The following PDE1C variants were observed in gnomAD, a reference collection of about 807,000 sequenced individuals.
PDE1C encodes dual specificity calcium/calmodulin-dependent 3',5'-cyclic nucleotide phosphodiesterase 1C.
Under a neutral mutation model 93.1 loss-of-function variants are expected in PDE1C, and 62 were observed. The observed-to-expected ratio is 0.67, with a 90% CI of 0.54 to 0.82. The LOEUF (loss-of-function observed/expected upper bound fraction) is 0.82. Among genes scored for constraint, PDE1C ranks in the 40% least tolerant of loss-of-function variants. The probability of loss-of-function intolerance (pLI) is 0.00; values close to 1 mark genes in which losing one functional copy is unlikely to be tolerated. For synonymous variants in PDE1C, 325 were observed against 310.1 expected, an observed-to-expected ratio of 1.05 and a Z score of -0.50; for missense variants, 742 against 884.6, an observed-to-expected ratio of 0.84 and a Z score of 2.04.
the PDE1C span, among the ~76,000 whole-genome samples, chr7:31,626,466 T>C: frequency 3.3e-5 from 5 of 152,210 alleles, no homozygotes; most frequent in African/African-American, 1.2e-4. Flanking sequence ...TCCCACTATA[T>C]TTCTGTTTGC....
the PDE1C span, among the ~76,000 whole-genome samples, chr7:31,669,828 A>G: frequency 6.6e-6 from 1 of 152,210 alleles, no homozygotes; most frequent in Non-Finnish European, 1.5e-5. Context: ...GCCTACAGAC[A>G]TTTTGATTAT....
intron 2 of PDE1C, among the ~76,000 whole-genome samples, chr7:31,882,570 A>T (rs1797386464): frequency 6.6e-6 from 1 of 152,202 alleles, no homozygotes; most frequent in Non-Finnish European, 1.5e-5. Context: ...AAATGAGAGT[A>T]AAATTAAACT....
At chr7:31,794,042 A>AGATG (rs1157143757) in intron 16 of PDE1C, among the ~76,000 whole-genome samples, 12 of 84,700 alleles carry the variant, frequency 1.4e-4, no homozygotes, top group Middle Eastern at 5.4e-3. Flanking sequence ...ATAGATAGAT[A>AGATG]GACAGACAGA....
chr7:32,167,113 C>A (rs1802337619), intron 3 of PDE1C, among the ~76,000 whole-genome samples: 1 of 152,086 alleles, frequency 6.6e-6, no homozygotes, highest in African/African-American at 2.4e-5. Context: ...TTTTGAAAAA[C>A]ACCCATCATT....
chr7:31,951,333 T>A (rs771819676), intron 2 of PDE1C, among the ~76,000 whole-genome samples: 32 of 152,200 alleles, frequency 2.1e-4, no homozygotes, highest in Non-Finnish European at 4.0e-4. Context: ...GACCCAGAAA[T>A]TATCTACAAA....
Position 31,877,997 on chromosome 7 carries a change from A to G in PDE1C, c.465T>C (p.Tyr155=). The part of the protein sequence containing the change: ...RRTSNMVGLS[Y]PPAVIEALKD... ...TTAATGCCTCAATAACAGCTGGTGG[A>G]TAGCTCAGTCCAACCATGTTTGATG... is the stretch of plus-strand genomic sequence containing the variant. The change falls in exon 5 of 18, where the codon TAT becomes TAC. Residue 155 remains tyrosine, a synonymous_variant. Coordinates refer to ENST00000396191, the MANE Select transcript of PDE1C (RefSeq NM_001191057.4). 6.2e-7 allele frequency: 1 copy of G among 1,613,186 alleles called. No individual in the cohort carries two copies. Among genetic ancestry groups the G allele is most frequent in the East Asian group, 2.2e-5 (1 of 44,790 alleles).
chr7:31,665,530 T>C, the PDE1C span, among the ~76,000 whole-genome samples: 3 of 152,190 alleles, frequency 2.0e-5, no homozygotes, highest in Non-Finnish European at 4.4e-5. Flanking sequence ...TATTAATCAA[T>C]CAATATATTA....
At chr7:32,227,557 A>G (rs34579111) in intron 1 of PDE1C, among the ~76,000 whole-genome samples, 18,359 of 152,172 alleles carry the variant, frequency 0.12, 1,199 homozygotes, top group East Asian at 0.23. Flanking sequence ...GACACCATAA[A>G]TAAATGAAGG....
intron 2 of PDE1C, among the ~76,000 whole-genome samples, chr7:32,035,123 C>T (rs1167793907): frequency 6.6e-6 from 1 of 152,076 alleles, no homozygotes; most frequent in East Asian, 1.9e-4. Context: ...AAATCCAACC[C>T]AAAGGACATC....
At chr7:31,725,150 G>T in the PDE1C span, among the ~76,000 whole-genome samples, 1 of 151,810 alleles carries the variant, frequency 6.6e-6, no homozygotes, top group Non-Finnish European at 1.5e-5. Context: ...CTTGCCACCC[G>T]CATCTCCCAC....
chr7:31,796,088 T>C (rs1785248999), intron 16 of PDE1C, among the ~76,000 whole-genome samples: 1 of 150,706 alleles, frequency 6.6e-6, no homozygotes, highest in African/African-American at 2.4e-5. Context: ...GACAGGGACA[T>C]ATATATATCT....
chr7:31,859,964 T>C (rs1583643973), intron 7 of PDE1C, among the ~76,000 whole-genome samples: 1 of 152,176 alleles, frequency 6.6e-6, no homozygotes, highest in South Asian at 2.1e-4. Flanking sequence ...TAACTCCCTA[T>C]TGATAGGTAT....
At chr7:32,096,653 T>G (rs1197322025) in intron 3 of PDE1C, among the ~76,000 whole-genome samples, 2 of 152,196 alleles carry the variant, frequency 1.3e-5, no homozygotes, top group Non-Finnish European at 2.9e-5. Flanking sequence ...TTAAAATTAT[T>G]GTGTTTCTAT....
chr7:32,215,568 G>A (rs913350665), intron 1 of PDE1C, among the ~76,000 whole-genome samples: 4 of 152,160 alleles, frequency 2.6e-5, no homozygotes, highest in African/African-American at 7.2e-5. Flanking sequence ...GAGGGAGGCA[G>A]GTGAGACAGG....
the PDE1C span, among the ~76,000 whole-genome samples, chr7:31,617,266 A>AAAACGATAGAT: frequency 6.6e-6 from 1 of 152,078 alleles, no homozygotes; most frequent in Non-Finnish European, 1.5e-5. Flanking sequence ...CAACAATTTA[A>AAAACGATAGAT]CTTTGCAAAG....
chr7:32,317,913 C>A (rs1017646355), intron 1 of PDE1C, among the ~76,000 whole-genome samples: 3 of 152,120 alleles, frequency 2.0e-5, no homozygotes, highest in African/African-American at 7.2e-5. Flanking sequence ...GCCCTTTATT[C>A]ATTTTAATGC....
chr7:31,723,685 C>T, the PDE1C span, among the ~76,000 whole-genome samples: 1 of 152,280 alleles, frequency 6.6e-6, no homozygotes, highest in Non-Finnish European at 1.5e-5. Flanking sequence ...CCCCACCATG[C>T]CAGTGGATGC....
At chr7:31,914,319 TG>T (rs1242167373) in intron 2 of PDE1C, among the ~76,000 whole-genome samples, 1 of 152,240 alleles carries the variant, frequency 6.6e-6, no homozygotes, top group Non-Finnish European at 1.5e-5. Context: ...TTGAATTACA[TG>T]TATAAAATTA....
chr7:32,133,096 G>A (rs1184484899), intron 3 of PDE1C, among the ~76,000 whole-genome samples: 1 of 152,068 alleles, frequency 6.6e-6, no homozygotes. Flanking sequence ...TTGAATATTT[G>A]AGTCCAGAAC....
Sources: allele counts gnomAD v4.1 joint callset (sites outside exome capture counted in the v4.1 genomes callset), GRCh38; gene constraint gnomAD v4.1.1; transcripts MANE v1.5; gene names NCBI Gene and HGNC (gene_info 2026-07-23, HGNC 2026-07-21).